GPM6A: variants seen among roughly 807,000 people sequenced by gnomAD.
The protein encoded by GPM6A is neuronal membrane glycoprotein M6-a.
In GPM6A, 7 loss-of-function variants were observed where a neutral mutation model predicts 32.1. That is an observed-to-expected ratio of 0.22 (90% CI 0.12 to 0.41). The LOEUF (loss-of-function observed/expected upper bound fraction) is 0.41, where lower values mean the gene tolerates loss of function less well. Among genes scored for constraint, GPM6A ranks in the 10% least tolerant of loss-of-function variants. The pLI is 1.00. For synonymous variants in GPM6A, 130 were observed against 123.4 expected, an observed-to-expected ratio of 1.05 and a Z score of -0.35; for missense variants, 235 against 347.2, an observed-to-expected ratio of 0.68 and a Z score of 2.57.
chr4:175,655,881 A>G (rs1380052563), intron 3 of GPM6A, among the ~76,000 whole-genome samples: 1 of 152,088 alleles, frequency 6.6e-6, no homozygotes, highest in Non-Finnish European at 1.5e-5. Context: ...AAAGTCACTT[A>G]GCAGGAAATG....
chr4:175,830,524 T>G (rs1735577248), intron 1 of GPM6A, among the ~76,000 whole-genome samples: 1 of 152,148 alleles, frequency 6.6e-6, no homozygotes, highest in Admixed American at 6.5e-5. Context: ...TATTAGGTGG[T>G]CACTAATATT....
In GPM6A at chr4:175,642,257, T is replaced by C. The variant is rs557205263; in HGVS notation, c.542-1428A>G. On this transcript the variant is annotated intron_variant, in intron 4 of 6. Coordinates refer to ENST00000393658, the MANE Select transcript of GPM6A (RefSeq NM_201591.3). ...AGATTTCCTCCCTAAAAAATCACCA[T>C]TGTTGAAAAAGCTTCTGGTCAAGGC... Among the ~76,000 whole-genome samples, 20 of 152,290 alleles carry C rather than the reference T, an allele frequency of 1.3e-4. No homozygotes were observed. The South Asian group carries it at 3.5e-3, about 27-fold the overall frequency.
At chr4:175,799,504 A>G (rs1056634157) in intron 1 of GPM6A, among the ~76,000 whole-genome samples, 1 of 152,082 alleles carries the variant, frequency 6.6e-6, no homozygotes, top group Non-Finnish European at 1.5e-5. Context: ...ATAAGAATAG[A>G]GATTGATATT....
chr4:175,897,947 G>A (rs1473163567), intron 1 of GPM6A, among the ~76,000 whole-genome samples: 1 of 152,132 alleles, frequency 6.6e-6, no homozygotes, highest in Admixed American at 6.5e-5. Flanking sequence ...TTTTACTAAA[G>A]TTGGCAAGTA....
intron 1 of GPM6A, among the ~76,000 whole-genome samples, chr4:175,859,534 C>A (rs558486345): frequency 6.6e-6 from 1 of 152,152 alleles, no homozygotes; most frequent in Non-Finnish European, 1.5e-5. Context: ...TATATCCATA[C>A]GCTTCTATGA....
At chr4:175,670,782 A>G (rs984402422) in intron 3 of GPM6A, among the ~76,000 whole-genome samples, 1 of 152,122 alleles carries the variant, frequency 6.6e-6, no homozygotes, top group Admixed American at 6.5e-5. Flanking sequence ...AATGCAGACC[A>G]AGTTATGCTT....
chr4:175,734,135 C>CATATATATAT (rs33914767), intron 1 of GPM6A, among the ~76,000 whole-genome samples: 2 of 127,164 alleles, frequency 1.6e-5, no homozygotes, highest in African/African-American at 5.3e-5. Context: ...TAATTTTTGC[C>CATATATATAT]ATATATATAT....
chr4:175,638,302 C>T (rs1740933382), intron 6 of GPM6A, among the ~76,000 whole-genome samples: 1 of 151,762 alleles, frequency 6.6e-6, no homozygotes, highest in East Asian at 1.9e-4. Flanking sequence ...TTATATTTTA[C>T]CTGTCTCCCA....
chr4:175,829,131 T>C (rs891393869), intron 1 of GPM6A, among the ~76,000 whole-genome samples: 1 of 152,114 alleles, frequency 6.6e-6, no homozygotes, highest in Non-Finnish European at 1.5e-5. Flanking sequence ...GGTTTTGCCA[T>C]GTTGCCCAGG....
chr4:175,640,920 C>T lies in GPM6A; in HGVS notation c.542-91G>A. 3 of 743,936 alleles carry T rather than the reference C, an allele frequency of 4.0e-6. 1 individual carries two copies. Among genetic ancestry groups the T allele is most frequent in the South Asian group, 3.1e-5 (2 of 65,000 alleles). 46.1% of individuals were successfully genotyped at this position (743,936 alleles called of 1,614,324 possible). ...TGAGTTTTTGCTAATCAAATCTAAG[C>T]AAGTTCCATTTTATCTTATGTTATG... On this transcript the variant is annotated intron_variant, in intron 4 of 6. Transcript: ENST00000393658.
intron 1 of GPM6A, among the ~76,000 whole-genome samples, chr4:175,967,961 A>T (rs570005543): frequency 6.6e-6 from 1 of 152,222 alleles, no homozygotes; most frequent in Non-Finnish European, 1.5e-5. Flanking sequence ...CAACATCAAC[A>T]GCACGATGTT....
intron 1 of GPM6A, among the ~76,000 whole-genome samples, chr4:175,764,578 A>T (rs1215962690): frequency 6.6e-6 from 1 of 152,148 alleles, no homozygotes; most frequent in Non-Finnish European, 1.5e-5. Context: ...CATTCTAAAC[A>T]GGACCAATAC....
chr4:175,868,947 T>C (rs151056807), intron 1 of GPM6A, among the ~76,000 whole-genome samples: 3 of 152,356 alleles, frequency 2.0e-5, no homozygotes, highest in Non-Finnish European at 1.5e-5. Context: ...GCTTGTATTA[T>C]TGATGACTTG....
At chr4:175,689,157 T>C (rs1212654753) in intron 2 of GPM6A, among the ~76,000 whole-genome samples, 1 of 152,248 alleles carries the variant, frequency 6.6e-6, no homozygotes, top group Admixed American at 6.5e-5. Flanking sequence ...AGTTTCACTT[T>C]TATTCTTCTT....
intron 1 of GPM6A, among the ~76,000 whole-genome samples, chr4:175,940,199 T>C (rs1739362477): frequency 6.6e-6 from 1 of 152,168 alleles, no homozygotes; most frequent in Non-Finnish European, 1.5e-5. Context: ...TGAAAATGTG[T>C]GTATCTTCTC....
intron 1 of GPM6A, among the ~76,000 whole-genome samples, chr4:175,984,462 C>A (rs1230479911): frequency 6.6e-6 from 1 of 152,006 alleles, no homozygotes; most frequent in Non-Finnish European, 1.5e-5. Context: ...CGCGCCCAGC[C>A]CTCTCCTGTT....
intron 2 of GPM6A, among the ~76,000 whole-genome samples, chr4:175,686,262 T>A (rs1028061857): frequency 1.3e-5 from 2 of 152,250 alleles, no homozygotes; most frequent in African/African-American, 4.8e-5. Flanking sequence ...GGTGCAAAAG[T>A]AATTGCAGTT....
intron 1 of GPM6A, among the ~76,000 whole-genome samples, chr4:175,745,252 G>T (rs1463991472): frequency 6.6e-6 from 1 of 152,088 alleles, no homozygotes; most frequent in African/African-American, 2.4e-5. Context: ...AAGACTACAG[G>T]TATTGGGTTC....
chr4:175,654,455 C>G (rs1032684244), intron 3 of GPM6A: 2 of 152,100 alleles, frequency 1.3e-5, no homozygotes, highest in African/African-American at 4.8e-5. Flanking sequence ...ATAAGAAGCT[C>G]TGACAAAAAT....
Sources: allele counts gnomAD v4.1 joint callset (sites outside exome capture counted in the v4.1 genomes callset), GRCh38; gene constraint gnomAD v4.1.1; transcripts MANE v1.5; gene names NCBI Gene and HGNC (gene_info 2026-07-23, HGNC 2026-07-21).